NIPBL: variants seen among roughly 807,000 people sequenced by gnomAD.
NIPBL encodes the protein nipped-B-like protein.
Under a neutral mutation model 321.8 loss-of-function variants are expected in NIPBL, and 19 were observed. The ratio of observed to expected loss-of-function variants is 0.06; its 90% CI spans 0.04 to 0.09. The LOEUF (loss-of-function observed/expected upper bound fraction) is 0.09, where lower values mean the gene tolerates loss of function less well. NIPBL is among the 10% of genes least tolerant of loss of function. The probability of loss-of-function intolerance (pLI) is 1.00; values close to 1 mark genes in which losing one functional copy is unlikely to be tolerated. For missense variants in NIPBL, 2,210 were observed against 3,327.0 expected, an observed-to-expected ratio of 0.66 and a Z score of 8.26; for synonymous variants, 1,106 against 1,114.1, an observed-to-expected ratio of 0.99 and a Z score of 0.14.
At chr5:36,879,475 AT>A (rs1471055007) in intron 1 of NIPBL, among the ~76,000 whole-genome samples, 3 of 152,234 alleles carry the variant, frequency 2.0e-5, no homozygotes, top group Non-Finnish European at 4.4e-5. Context: ...TAAATACGTC[AT>A]TTTTAAAGGA....
intron 29 of NIPBL, among the ~76,000 whole-genome samples, chr5:37,024,119 C>T (rs1211905129): frequency 3.3e-5 from 5 of 151,592 alleles, no homozygotes; most frequent in Non-Finnish European, 5.9e-5. Context: ...GAGCTGAGAT[C>T]GCACCATTGT....
intron 1 of NIPBL, among the ~76,000 whole-genome samples, chr5:36,919,494 G>T (rs1476081002): frequency 6.6e-6 from 1 of 151,844 alleles, no homozygotes; most frequent in African/African-American, 2.4e-5. Context: ...CCACTGCACC[G>T]AGTATTACTT....
At chr5:37,041,374 C>G (rs1457379818) in intron 34 of NIPBL, among the ~76,000 whole-genome samples, 1 of 145,914 alleles carries the variant, frequency 6.9e-6, no homozygotes, top group Non-Finnish European at 1.5e-5. Flanking sequence ...AGCGATTCTC[C>G]TTCCTCAGCC....
intron 1 of NIPBL, among the ~76,000 whole-genome samples, chr5:36,898,758 A>T (rs1746979936): frequency 6.6e-6 from 1 of 151,908 alleles, no homozygotes; most frequent in Non-Finnish European, 1.5e-5. Flanking sequence ...CGATCCACCC[A>T]CCTCACCCTC....
intron 7 of NIPBL, 55 bp downstream of exon 7, chr5:36,971,091 A>C: frequency 6.8e-7 from 1 of 1,464,578 alleles, no homozygotes; most frequent in Non-Finnish European, 9.5e-7. Context: ...TTGTCATATA[A>C]CCTAGTATTT....
In NIPBL at chr5:37,019,498, T is replaced by A. The variant is rs891294496; in HGVS notation, c.5010+98T>A. On this transcript the variant is annotated intron_variant, in intron 25 of 46. Transcript: ENST00000282516. The stretch of plus-strand genomic sequence containing the variant: ...GCATGATGAAGAGGAAAACTTAAGT[T>A]GTTTGGAATATTGATTTTCAAAACA... 12 of 817,276 alleles carry A rather than the reference T, an allele frequency of 1.5e-5. No homozygotes were observed. In the East Asian group the frequency reaches 2.8e-4, roughly 19 times the overall value. The allele number at this position is 817,276 out of a possible 1,614,324, so 50.6% of individuals were successfully genotyped here. A position where few individuals can be genotyped will look rare whatever the true frequency, so the allele number is the denominator to read the frequency against.
chr5:37,026,099 C>A, intron 30 of NIPBL, 130 bp from the exon 31 acceptor site: 2 of 619,336 alleles, frequency 3.2e-6, no homozygotes, highest in East Asian at 2.9e-5. Flanking sequence ...GAAATTAATA[C>A]CAGAAATTCC....
intron 1 of NIPBL, among the ~76,000 whole-genome samples, chr5:36,946,543 A>AGTGT (rs551130099): frequency 6.6e-6 from 1 of 150,734 alleles, no homozygotes; most frequent in South Asian, 2.1e-4. Flanking sequence ...GCTCAAAAAC[A>AGTGT]GTGTGTGTGT....
At chr5:37,030,146 C>G (rs1039318683) in intron 32 of NIPBL, among the ~76,000 whole-genome samples, 3 of 152,136 alleles carry the variant, frequency 2.0e-5, no homozygotes, top group Non-Finnish European at 4.4e-5. Flanking sequence ...AGGGACATGA[C>G]CAGATTTATA....
At chr5:37,015,110 G>A (rs1411427853) in intron 22 of NIPBL, among the ~76,000 whole-genome samples, 1 of 151,722 alleles carries the variant, frequency 6.6e-6, no homozygotes, top group Non-Finnish European at 1.5e-5. Flanking sequence ...ATGTTATTTA[G>A]CCTCCATATG....
At chr5:36,917,268 C>T (rs1748537754) in intron 1 of NIPBL, among the ~76,000 whole-genome samples, 1 of 152,128 alleles carries the variant, frequency 6.6e-6, no homozygotes, top group Admixed American at 6.6e-5. Context: ...TTTCATGTGT[C>T]TGTTGGCTGC....
At chr5:37,045,214 C>T (rs932138026) in intron 36 of NIPBL, among the ~76,000 whole-genome samples, 4 of 151,866 alleles carry the variant, frequency 2.6e-5, no homozygotes, top group East Asian at 3.9e-4. Context: ...ATTTGCCAGG[C>T]GTGGTGGCAC....
At chr5:37,008,852 G>A in intron 20 of NIPBL, 129 bp downstream of exon 20, 1 of 659,202 alleles carries the variant, frequency 1.5e-6, no homozygotes, top group African/African-American at 1.8e-5. Flanking sequence ...CATCAGAACA[G>A]CATGAAAAAT....
At chr5:37,018,128 T>A (rs1749200088) in intron 24 of NIPBL, among the ~76,000 whole-genome samples, 1 of 152,114 alleles carries the variant, frequency 6.6e-6, no homozygotes, top group Non-Finnish European at 1.5e-5. Flanking sequence ...CTTAGGACCC[T>A]CCCTGGACCT....
At chr5:37,001,212 G>A in intron 14 of NIPBL, 134 bp downstream of exon 14, 1 of 662,380 alleles carries the variant, frequency 1.5e-6, no homozygotes. Context: ...ACTTGTTGCT[G>A]ACAATGATAA....
At chr5:37,062,687 A>AT (rs1754865867) in intron 45 of NIPBL, among the ~76,000 whole-genome samples, 1 of 152,202 alleles carries the variant, frequency 6.6e-6, no homozygotes, top group African/African-American at 2.4e-5. Context: ...TGGGAGGCCT[A>AT]TGTAGGAGGT....
Position 37,065,812 on chromosome 5 carries a change from A to G in NIPBL, c.*920A>G, listed in dbSNP as rs575588206. 1.3e-5 allele frequency: 2 copies of G among 152,620 alleles called. No homozygotes were observed. Among genetic ancestry groups the G allele is most frequent in the Non-Finnish European group, 2.9e-5 (2 of 68,024 alleles). 9.5% of individuals were successfully genotyped at this position (152,620 alleles called of 1,614,324 possible). On this transcript the variant is annotated 3_prime_UTR_variant, in exon 47 of 47. Coordinates refer to ENST00000282516, the MANE Select transcript of NIPBL (RefSeq NM_133433.4). ...GTACATTTTGATATAAAAAGAAACT[A>G]TAGTTTATTCCTTGTATGCTTCAAT...
At chr5:36,947,745 C>A (rs1405879734) in intron 1 of NIPBL, among the ~76,000 whole-genome samples, 1 of 151,876 alleles carries the variant, frequency 6.6e-6, no homozygotes, top group East Asian at 1.9e-4. Context: ...ATATTCTAAT[C>A]ATAATAAAAG....
rs879291582 is a variant in NIPBL at position 36,876,993 on chromosome 5, A to G, written c.-265A>G. On this transcript the variant is annotated 5_prime_UTR_variant, in exon 1 of 47. Transcript: ENST00000282516. ...GTTTGTGAGTGTTTCTATGTGGGAG[A>G]AGGAGGAGGAGGAGGAAGAAGAAGC... 1.6e-4 allele frequency: 61 copies of G among 383,748 alleles called. No homozygotes were observed. Among genetic ancestry groups the G allele is most frequent in the Non-Finnish European group, 2.5e-4 (54 of 217,094 alleles). The allele number at this position is 383,748 out of a possible 1,614,324, so 23.8% of individuals were successfully genotyped here.
Sources: gnomAD v4.1 joint callset for allele counts (sites outside exome capture counted in the v4.1 genomes callset) on GRCh38, gnomAD v4.1.1 for gene constraint, MANE v1.5 for transcripts, NCBI Gene and HGNC (gene_info 2026-07-23, HGNC 2026-07-21) for gene names.